The following ANK2 variants were observed in gnomAD, a reference collection of about 807,000 sequenced individuals.
The protein encoded by ANK2 is ankyrin-2.
A neutral mutation model predicts 360.5 loss-of-function variants in ANK2; 83 were observed. The observed-to-expected ratio is 0.23, with a 90% CI of 0.19 to 0.28. The LOEUF (loss-of-function observed/expected upper bound fraction) is 0.28. Ranked by LOEUF, ANK2 falls within the 10% of genes least tolerant of loss-of-function variation. The probability of loss-of-function intolerance (pLI) is 1.00; values close to 1 mark genes in which losing one functional copy is unlikely to be tolerated. For synonymous variants in ANK2, 1,740 were observed against 1,759.5 expected, an observed-to-expected ratio of 0.99 and a Z score of 0.28; for missense variants, 4,201 against 4,795.7, an observed-to-expected ratio of 0.88 and a Z score of 3.66.
rs1185809277 is a variant in ANK2 at position 113,282,710 on chromosome 4, G to A, written c.1917G>A (p.Lys639=). Residue 639 remains lysine (K), a synonymous_variant, in exon 18 of 46, where the codon AAG becomes AAA. Coordinates refer to ENST00000357077, the MANE Select transcript of ANK2 (RefSeq NM_001148.6). ...GYTPLHIAAK[K]NQMQIASTLL... is the part of the protein sequence containing the mutation. ...CTCCGTTACATATTGCTGCCAAGAA[G>A]AATCAAATGCAGATAGCTTCCACAC... is the stretch of plus-strand genomic sequence containing the variant. 3 of 1,613,674 alleles carry A rather than the reference G, an allele frequency of 1.9e-6. No individual in the cohort carries two copies. The highest frequency in any genetic ancestry group is 3.3e-5 in the Admixed American group (2 of 59,934).
At chr4:112,847,841 A>C (rs2063687513) in intron 1 of ANK2, among the ~76,000 whole-genome samples, 1 of 152,210 alleles carries the variant, frequency 6.6e-6, no homozygotes, top group African/African-American at 2.4e-5. Flanking sequence ...GGCCCTTCAC[A>C]GTCTAGTTCT....
In ANK2 at chr4:113,355,716, T is replaced by C; in HGVS notation, c.7098T>C (p.Asp2366=). 1.2e-6 allele frequency: 2 copies of C among 1,614,034 alleles called. No homozygotes were observed. The highest frequency in any genetic ancestry group is 1.7e-6 in the Non-Finnish European group (2 of 1,179,974). The change falls in exon 38 of 46, where the codon GAT becomes GAC. Residue 2366 remains aspartate, a synonymous_variant. Coordinates refer to ENST00000357077, the MANE Select transcript of ANK2 (RefSeq NM_001148.6). ...GTTCAGCCCACAAGACACAAACTGA[T>C]AGTGAGGTTCAAGAATCCACAGCCA... ...FGSSAHKTQT[D]SEVQESTATS...
intron 1 of ANK2, among the ~76,000 whole-genome samples, chr4:112,842,128 G>A (rs1008969465): frequency 1.3e-5 from 2 of 151,874 alleles, no homozygotes; most frequent in African/African-American, 4.8e-5. Flanking sequence ...TCCTGCCTCA[G>A]CCTCCCCAGT....
chr4:113,145,655 T>G, intron 1 of ANK2: 1 of 1,122,330 alleles, frequency 8.9e-7, no homozygotes, highest in Non-Finnish European at 1.1e-6. Context: ...GGTCACTGAA[T>G]GCAGCCTGCA....
At chr4:112,878,125 T>C (rs1580329246) in intron 1 of ANK2, among the ~76,000 whole-genome samples, 1 of 142,946 alleles carries the variant, frequency 7.0e-6, no homozygotes, top group East Asian at 2.1e-4. Context: ...TCAAACTCTC[T>C]ATCTCTAGCT....
intron 1 of ANK2, among the ~76,000 whole-genome samples, chr4:112,846,348 C>T (rs1394351707): frequency 2.6e-5 from 4 of 152,208 alleles, no homozygotes; most frequent in Admixed American, 1.3e-4. Context: ...TGGGCTCAAT[C>T]GATCTGCCCT....
intron 22 of ANK2, among the ~76,000 whole-genome samples, chr4:113,300,082 GTATAT>G (rs145259793): frequency 0.011 from 1,691 of 152,048 alleles, 21 homozygotes; most frequent in Non-Finnish European, 0.019. Context: ...TAATCAAATT[GTATAT>G]TATAATAGTC....
At chr4:113,368,373 A>G (rs1487483171) in intron 42 of ANK2, among the ~76,000 whole-genome samples, 1 of 152,210 alleles carries the variant, frequency 6.6e-6, no homozygotes, top group East Asian at 1.9e-4. Context: ...CTATGAGGGG[A>G]CTAATCATAA....
chr4:113,021,372 A>G (rs2058027250), intron 2 of ANK2, among the ~76,000 whole-genome samples: 1 of 151,930 alleles, frequency 6.6e-6, no homozygotes, highest in African/African-American at 2.4e-5. Flanking sequence ...AAGTTTGCCA[A>G]AATGACTGAC....
chr4:112,901,633 C>T (rs1258202455), intron 1 of ANK2, among the ~76,000 whole-genome samples: 2 of 152,054 alleles, frequency 1.3e-5, no homozygotes, highest in Non-Finnish European at 2.9e-5. Context: ...GAGGCTGAGG[C>T]AGGCGGACCA....
chr4:113,304,300 G>A (rs1196002637), intron 23 of ANK2, among the ~76,000 whole-genome samples: 1 of 152,128 alleles, frequency 6.6e-6, no homozygotes, highest in Non-Finnish European at 1.5e-5. Context: ...GATATTTTTG[G>A]AGTGAAAGCT....
chr4:113,257,505 G>A (rs867716337), intron 11 of ANK2, among the ~76,000 whole-genome samples: 1 of 152,156 alleles, frequency 6.6e-6, no homozygotes, highest in Non-Finnish European at 1.5e-5. Flanking sequence ...TATAGCTTCT[G>A]TATGTAAAAA....
chr4:112,902,686 C>A (rs934760390), intron 1 of ANK2, among the ~76,000 whole-genome samples: 4 of 152,040 alleles, frequency 2.6e-5, no homozygotes, highest in Admixed American at 2.0e-4. Context: ...AGATTTTTTT[C>A]AAAGAAGTAT....
chr4:113,166,924 A>G (rs1277078011), intron 1 of ANK2, among the ~76,000 whole-genome samples: 1 of 152,144 alleles, frequency 6.6e-6, no homozygotes, highest in Admixed American at 6.5e-5. Flanking sequence ...AATTTTTGTA[A>G]TTACAAAGCC....
At chr4:112,898,209 A>G (rs2082275519) in intron 1 of ANK2, among the ~76,000 whole-genome samples, 1 of 152,184 alleles carries the variant, frequency 6.6e-6, no homozygotes, top group South Asian at 2.1e-4. Flanking sequence ...TTATTATTAA[A>G]TAAAGTTATC....
Position 113,354,285 on chromosome 4 carries a change from G to A in ANK2, c.5667G>A (p.Arg1889=). 6.2e-7 allele frequency: 1 copy of A among 1,613,996 alleles called. No individual in the cohort carries two copies. The highest frequency in any genetic ancestry group is 8.5e-7 in the Non-Finnish European group (1 of 1,179,980). Residue 1889 remains arginine, a synonymous_variant, in exon 38 of 46, where the codon AGG becomes AGA. Coordinates refer to ENST00000357077, the MANE Select transcript of ANK2 (RefSeq NM_001148.6). ...TATCACCCTCGACAAAAACTGAAAG[G>A]CACTCTCCTGTGTCATCTACAAAAA... ...SPVSPSTKTE[R]HSPVSSTKTE... is the part of the protein sequence containing the mutation.
intron 1 of ANK2, among the ~76,000 whole-genome samples, chr4:112,899,876 T>G (rs1249584163): frequency 1.3e-5 from 2 of 152,130 alleles, no homozygotes; most frequent in African/African-American, 4.8e-5. Context: ...AACAACCCCC[T>G]GCACACTGTA....
chr4:113,139,410 C>T (rs189223781), intron 1 of ANK2, among the ~76,000 whole-genome samples: 1 of 152,274 alleles, frequency 6.6e-6, no homozygotes. Flanking sequence ...GCTATTACAG[C>T]CAGATTATAA....
At chr4:112,772,141 A>G in the ANK2 span, among the ~76,000 whole-genome samples, 1 of 152,176 alleles carries the variant, frequency 6.6e-6, no homozygotes, top group Admixed American at 6.5e-5. Flanking sequence ...CATACCCGAG[A>G]CTGGGTAATT....
Sources: gnomAD v4.1 joint callset for allele counts (sites outside exome capture counted in the v4.1 genomes callset) on GRCh38, gnomAD v4.1.1 for gene constraint, MANE v1.5 for transcripts, NCBI Gene and HGNC (gene_info 2026-07-23, HGNC 2026-07-21) for gene names.